The following LPL variants were observed in gnomAD, a reference collection of about 807,000 sequenced individuals.
LPL encodes the protein lipoprotein lipase.
A neutral mutation model predicts 52.2 loss-of-function variants in LPL; 43 were observed. The ratio of observed to expected loss-of-function variants is 0.82; its 90% CI spans 0.64 to 1.06. The LOEUF is 1.06. Among genes scored for constraint, LPL ranks in the 50% least tolerant of loss-of-function variants. The probability of loss-of-function intolerance (pLI) is 0.00; values close to 1 mark genes in which losing one functional copy is unlikely to be tolerated. For missense variants in LPL, 639 were observed against 585.3 expected, an observed-to-expected ratio of 1.09 and a Z score of -0.95; for synonymous variants, 244 against 215.6, an observed-to-expected ratio of 1.13 and a Z score of -1.15.
intron 8 of LPL, 72 bp downstream of exon 8, chr8:19,961,155 G>C: frequency 7.2e-7 from 1 of 1,379,898 alleles, no homozygotes. Flanking sequence ...CTGTATTTCA[G>C]GGGCCTTCAC....
At position 19,967,152 on chromosome 8, in the gene LPL, AACTC is replaced by A. The variant is rs1446407392; in HGVS notation, c.*1847_*1850del. The A allele has an allele frequency of 6.5e-6, 1 of 152,686 alleles. No individual in the cohort carries two copies. Among genetic ancestry groups the A allele is most frequent in the Non-Finnish European group, 1.5e-5 (1 of 68,054 alleles). The allele number at this position is 152,686 out of a possible 1,614,324, so 9.5% of individuals were successfully genotyped here. On this transcript the variant is annotated 3_prime_UTR_variant, in exon 10 of 10. Coordinates refer to ENST00000650287, the MANE Select transcript of LPL (RefSeq NM_000237.3). ...TTATCAGTGATGGTCTCACAGAGCC[AACTC>A]ACTCTTATGAAATGGGCTTTAACAA... is the stretch of plus-strand genomic sequence containing the variant.
intron 1 of LPL, among the ~76,000 whole-genome samples, chr8:19,945,531 T>A (rs937713558): frequency 2.6e-5 from 4 of 152,214 alleles, no homozygotes; most frequent in African/African-American, 9.7e-5. Flanking sequence ...TGTGTAAATT[T>A]CCTACTTTTC....
rs2069953364 is a variant in LPL at position 19,953,511 on chromosome 8, C to CGT, written c.541+90_541+91insGT. 5 of 880,280 alleles carry CGT rather than the reference C, an allele frequency of 5.7e-6. No individual in the cohort carries two copies. The African/African-American group carries it at 9.3e-5, about 16-fold the overall frequency. The allele number at this position is 880,280 out of a possible 1,614,324, so 54.5% of individuals were successfully genotyped here. The stretch of plus-strand genomic sequence containing the variant: ...CAGAACAAATTTTGTTAAATACCCA[C>CGT]ATGTGTGGTGTTCTTCCCGGAGACA... On this transcript the variant is annotated intron_variant, in intron 4 of 9. Transcript: ENST00000650287.
Position 19,939,424 on chromosome 8 carries a change from G to T in LPL, c.-17G>T. The T allele has an allele frequency of 6.2e-7, 1 of 1,600,676 alleles. No individual in the cohort carries two copies. Among genetic ancestry groups the T allele is most frequent in the African/African-American group, 1.3e-5 (1 of 74,910 alleles). On this transcript the variant is annotated 5_prime_UTR_variant, in exon 1 of 10. Coordinates refer to ENST00000650287, the MANE Select transcript of LPL (RefSeq NM_000237.3). This position sits in a 1 kb window ranked among gnomAD's most constrained non-coding sequence, Gnocchi z 4.0. ...CGGTCCGCGCCTTGCAGCTCCTCCAGAGGGACGCGCCCCGAGATGGAGAGC... is the reference window on the plus strand; with the variant it reads ...CGGTCCGCGCCTTGCAGCTCCTCCATAGGGACGCGCCCCGAGATGGAGAGC...
rs371961271 is a variant in LPL, at chr8:19,943,500, A to C, written c.88+3972A>C. ...CCCTCCAATAAAACAATTGTTGGCAAAGTAATCATGGACTTTCATTGTGTT... is the reference window on the plus strand; with the variant it reads ...CCCTCCAATAAAACAATTGTTGGCACAGTAATCATGGACTTTCATTGTGTT... On this transcript the variant is annotated intron_variant, in intron 1 of 9. Coordinates refer to ENST00000650287, the MANE Select transcript of LPL (RefSeq NM_000237.3). Among the ~76,000 whole-genome samples the C allele has an allele frequency of 6.6e-4, 100 of 152,342 alleles. 1 individual carries two copies. In the South Asian group the frequency reaches 0.021, roughly 31 times the overall value.
chr8:19,948,553 G>C, intron 2 of LPL: 1 of 565,122 alleles, frequency 1.8e-6, no homozygotes, highest in South Asian at 2.4e-5. Flanking sequence ...TTTTAACACT[G>C]TACCTGGTTG....
intron 3 of LPL, among the ~76,000 whole-genome samples, chr8:19,952,841 G>T (rs1274934867): frequency 6.6e-6 from 1 of 152,096 alleles, no homozygotes; most frequent in East Asian, 1.9e-4. Flanking sequence ...GATATTTAGA[G>T]TAAGGAATAA....
Position 19,939,987 on chromosome 8 carries a change from C to A in LPL, c.88+459C>A, listed in dbSNP as rs1036638817. On this transcript the variant is annotated intron_variant, in intron 1 of 9. Coordinates refer to ENST00000650287, the MANE Select transcript of LPL (RefSeq NM_000237.3). This position sits in a 1 kb window ranked among gnomAD's most constrained non-coding sequence, Gnocchi z 4.0. ...TTGGCACTGCGGCTCAGCCCCCGCCCGGGGACTCGCGGGCCGACTGTGGCC... is the reference window on the plus strand; with the variant it reads ...TTGGCACTGCGGCTCAGCCCCCGCCAGGGGACTCGCGGGCCGACTGTGGCC... Among the ~76,000 whole-genome samples, 2 of 152,170 alleles carry A rather than the reference C, an allele frequency of 1.3e-5. No individual in the cohort carries two copies. Among genetic ancestry groups the A allele is most frequent in the Non-Finnish European group, 2.9e-5 (2 of 68,024 alleles).
intron 4 of LPL, among the ~76,000 whole-genome samples, chr8:19,953,815 A>C (rs1279518307): frequency 1.3e-5 from 2 of 152,346 alleles, no homozygotes; most frequent in East Asian, 3.9e-4. Context: ...TGGCATACAC[A>C]CAGAGAGAAA....
rs1446556856 is a variant in LPL, at chr8:19,966,024, C to CT, written c.*716dup. 1 of 151,992 alleles carries CT rather than the reference C, an allele frequency of 6.6e-6. No individual in the cohort carries two copies. Among genetic ancestry groups the CT allele is most frequent in the Non-Finnish European group, 1.5e-5 (1 of 68,010 alleles). 9.4% of individuals were successfully genotyped at this position (151,992 alleles called of 1,614,324 possible). On this transcript the variant is annotated 3_prime_UTR_variant, in exon 10 of 10. Transcript: ENST00000650287. ...TTTATTGCTTAATCCCTCTCTCCCC[C>CT]TTCTTTTTTGTCTCAAGATTATATT...
intron 2 of LPL, 143 bp downstream of exon 2, chr8:19,948,483 T>C: frequency 2.1e-6 from 2 of 963,886 alleles, no homozygotes; most frequent in Non-Finnish European, 3.0e-6. Context: ...CAGTTCTGGC[T>C]CAGGTGGGAT....
intron 1 of LPL, among the ~76,000 whole-genome samples, chr8:19,947,799 G>T (rs543099804): frequency 2.0e-5 from 3 of 151,928 alleles, no homozygotes; most frequent in Non-Finnish European, 2.9e-5. Flanking sequence ...CTAATACCAG[G>T]GTAGCCTCAG....
At chr8:19,955,629 G>A (rs544019289) in intron 5 of LPL, among the ~76,000 whole-genome samples, 3 of 152,152 alleles carry the variant, frequency 2.0e-5, no homozygotes, top group African/African-American at 7.2e-5. Flanking sequence ...AAAATTCCCT[G>A]TGAACTTGCA....
Position 19,939,662 on chromosome 8 carries a change from G to C in LPL, c.88+134G>C. On this transcript the variant is annotated intron_variant, in intron 1 of 9. Coordinates refer to ENST00000650287, the MANE Select transcript of LPL (RefSeq NM_000237.3). The surrounding 1 kb of genome is among the most constrained non-coding windows in gnomAD (Gnocchi z 4.0). Reference sequence around the variant, plus strand: ...AGGGACTCTCCCAGCCTGGGCTCTAGCCCCGAAACGGTCCCCGGAGTGGGA... The same window carrying C: ...AGGGACTCTCCCAGCCTGGGCTCTACCCCCGAAACGGTCCCCGGAGTGGGA... The C allele has an allele frequency of 3.4e-6, 3 of 894,764 alleles. No homozygotes were observed. The South Asian group carries it at 4.8e-5, about 14-fold the overall frequency. The allele number at this position is 894,764 out of a possible 1,614,324, so 55.4% of individuals were successfully genotyped here.
At chr8:19,947,262 T>C (rs573797426) in intron 1 of LPL, among the ~76,000 whole-genome samples, 1 of 152,232 alleles carries the variant, frequency 6.6e-6, no homozygotes, top group Non-Finnish European at 1.5e-5. Context: ...CCCAGCACTT[T>C]AGGAGGCTGA....
chr8:19,943,011 C>A (rs193183185), intron 1 of LPL, among the ~76,000 whole-genome samples: 143 of 152,246 alleles, frequency 9.4e-4, no homozygotes, highest in Middle Eastern at 6.8e-3. Flanking sequence ...AATGAATAAA[C>A]GAAAACGTCT....
At chr8:19,961,447 A>G (rs1411015907) in intron 8 of LPL, among the ~76,000 whole-genome samples, 1 of 152,074 alleles carries the variant, frequency 6.6e-6, no homozygotes, top group African/African-American at 2.4e-5. Context: ...ATAATCAAAG[A>G]TTCAAACCAA....
chr8:19,957,848 C>T (rs1262484255), intron 6 of LPL, among the ~76,000 whole-genome samples: 1 of 152,012 alleles, frequency 6.6e-6, no homozygotes, highest in Non-Finnish European at 1.5e-5. Flanking sequence ...AAAATATGGT[C>T]TGCTATATTC....
intron 3 of LPL, among the ~76,000 whole-genome samples, chr8:19,952,900 ACATATATGCATGC>A (rs1020803369): frequency 3.3e-5 from 5 of 152,218 alleles, no homozygotes; most frequent in African/African-American, 1.2e-4. Flanking sequence ...ACACACATAT[ACATATATGCATGC>A]ATATAAATGT....
Sources: allele counts gnomAD v4.1 joint callset (sites outside exome capture counted in the v4.1 genomes callset), GRCh38; gene constraint gnomAD v4.1.1; non-coding constraint Gnocchi (gnomAD v3.1); transcripts MANE v1.5; gene names NCBI Gene and HGNC (gene_info 2026-07-23, HGNC 2026-07-21).